Variants in DTNB observed in about 807,000 individuals in gnomAD.
DTNB encodes the protein DTN-B.
DTNB carries 63 observed loss-of-function variants against 90.7 expected under a neutral mutation model. The observed-to-expected ratio is 0.69, with a 90% CI of 0.57 to 0.86. The LOEUF (loss-of-function observed/expected upper bound fraction) is 0.86, where lower values mean the gene tolerates loss of function less well. DTNB is among the 40% of genes least tolerant of loss of function. The pLI, the probability that DTNB is intolerant of heterozygous loss-of-function variation, is 0.00. For missense variants in DTNB, 744 were observed against 807.1 expected, an observed-to-expected ratio of 0.92 and a Z score of 0.95; for synonymous variants, 277 against 286.7, an observed-to-expected ratio of 0.97 and a Z score of 0.34.
At chr2:25,501,327 G>C (rs1192426851) in intron 9 of DTNB, among the ~76,000 whole-genome samples, 1 of 151,948 alleles carries the variant, frequency 6.6e-6, no homozygotes, top group East Asian at 1.9e-4. Flanking sequence ...GGATCCTCCT[G>C]CCTCTCAGCT....
At chr2:25,550,378 G>A (rs572119618) in intron 8 of DTNB, among the ~76,000 whole-genome samples, 186 of 152,078 alleles carry the variant, frequency 1.2e-3, no homozygotes, top group South Asian at 2.1e-3. Flanking sequence ...GTGAAAGAGC[G>A]AGACTCTGTC....
chr2:25,526,060 GC>G (rs1330144055), intron 9 of DTNB, among the ~76,000 whole-genome samples: 1 of 152,084 alleles, frequency 6.6e-6, no homozygotes, highest in Non-Finnish European at 1.5e-5. Flanking sequence ...GAGCTCAGGA[GC>G]CCCAGGTGGA....
chr2:25,594,995 A>C (rs1286471617), intron 6 of DTNB: 1 of 152,194 alleles, frequency 6.6e-6, no homozygotes, highest in Non-Finnish European at 1.5e-5. Flanking sequence ...ATGTCTCTTT[A>C]AACTCTTTTA....
intron 9 of DTNB, among the ~76,000 whole-genome samples, chr2:25,490,107 C>T (rs977235294): frequency 1.1e-4 from 17 of 152,186 alleles, no homozygotes; most frequent in Admixed American, 1.0e-3. Context: ...AAGACCCCAT[C>T]TCTACAAAAA....
intron 13 of DTNB, 70 bp downstream of exon 13, chr2:25,433,840 G>A: frequency 6.4e-7 from 1 of 1,570,356 alleles, no homozygotes; most frequent in Non-Finnish European, 8.7e-7. Context: ...AGTATCCAAG[G>A]AAAATGAGAA....
At chr2:25,566,150 C>T (rs1434299183) in intron 8 of DTNB, among the ~76,000 whole-genome samples, 3 of 152,152 alleles carry the variant, frequency 2.0e-5, no homozygotes, top group Non-Finnish European at 4.4e-5. Flanking sequence ...TCTAGCTGGC[C>T]GAGAAGAAAG....
At chr2:25,423,209 A>C (rs12470745) in intron 15 of DTNB, among the ~76,000 whole-genome samples, 1 of 96,316 alleles carries the variant, frequency 1.0e-5, no homozygotes, top group African/African-American at 3.1e-5. Context: ...ACAAAAAAAC[A>C]AAAAAACAAA....
chr2:25,463,597 G>A (rs1273948325), intron 10 of DTNB, among the ~76,000 whole-genome samples: 1 of 152,236 alleles, frequency 6.6e-6, no homozygotes, highest in Non-Finnish European at 1.5e-5. Context: ...GAATTGTACA[G>A]TGTGTGAGTT....
chr2:25,462,192 G>T (rs2061059079), intron 10 of DTNB, among the ~76,000 whole-genome samples: 1 of 152,212 alleles, frequency 6.6e-6, no homozygotes, highest in African/African-American at 2.4e-5. Flanking sequence ...TGTGAGAACT[G>T]CTCTCTAAGA....
At chr2:25,557,604 G>A (rs754551708) in intron 8 of DTNB, among the ~76,000 whole-genome samples, 7 of 152,176 alleles carry the variant, frequency 4.6e-5, no homozygotes, top group Non-Finnish European at 8.8e-5. Flanking sequence ...ATAAAACAAA[G>A]CAGATTCCTC....
chr2:25,590,657 T>C (rs1016118186), intron 6 of DTNB, among the ~76,000 whole-genome samples: 16 of 152,168 alleles, frequency 1.1e-4, no homozygotes, highest in African/African-American at 3.9e-4. Context: ...CAGCTGGTAA[T>C]CATTTGTTCG....
At chr2:25,427,834 G>A (rs2052377852) in intron 14 of DTNB, 2 of 437,672 alleles carry the variant, frequency 4.6e-6, no homozygotes, top group South Asian at 8.1e-5. Flanking sequence ...AGGTAAAAGT[G>A]CTTTGGAAAG....
At position 25,433,966 on chromosome 2, in the gene DTNB, G is replaced by A. The variant is rs201598651; in HGVS notation, c.1287C>T (p.Asn429=). 2,655 of 1,613,456 alleles carry A rather than the reference G, an allele frequency of 1.6e-3. 9 individuals carry two copies. The highest frequency in any genetic ancestry group is 7.9e-3 in the South Asian group (723 of 91,064). Residue 429 remains asparagine, a synonymous_variant, in exon 13 of 21, where the codon AAC becomes AAT. Coordinates refer to ENST00000406818, the MANE Select transcript of DTNB (RefSeq NM_021907.5). ...GTCTTTGTTGTTTGTTGGCATCAAA[G>A]TTAAAGCTCAAGTCAGTGGGAGGAC... ...VTRPPTDLSF[N]FDANKQQRQL...
intron 2 of DTNB, among the ~76,000 whole-genome samples, chr2:25,640,965 T>A (rs1033654407): frequency 6.6e-6 from 1 of 152,044 alleles, no homozygotes; most frequent in Non-Finnish European, 1.5e-5. Flanking sequence ...AAGATTTGGG[T>A]ACCACAAAAG....
intron 1 of DTNB, among the ~76,000 whole-genome samples, chr2:25,658,483 T>C (rs938240541): frequency 6.6e-6 from 1 of 152,212 alleles, no homozygotes; most frequent in Non-Finnish European, 1.5e-5. Context: ...TGTTTACAGC[T>C]TTATTCTTGA....
At chr2:25,521,565 G>C (rs1326030032) in intron 9 of DTNB, among the ~76,000 whole-genome samples, 2 of 151,542 alleles carry the variant, frequency 1.3e-5, no homozygotes, top group Non-Finnish European at 2.9e-5. Context: ...TATTTTTTTA[G>C]GAGAGACGGG....
chr2:25,659,247 C>T (rs1280252877), intron 1 of DTNB, among the ~76,000 whole-genome samples: 3 of 152,150 alleles, frequency 2.0e-5, no homozygotes, highest in Non-Finnish European at 4.4e-5. Context: ...CCAACCAGAG[C>T]TAATTGACAT....
chr2:25,472,223 G>A (rs545821138), intron 10 of DTNB, among the ~76,000 whole-genome samples: 140 of 152,254 alleles, frequency 9.2e-4, no homozygotes, highest in Admixed American at 2.4e-3. Flanking sequence ...CAGACGCTGC[G>A]GCTCACAGAA....
Position 25,387,229 on chromosome 2 carries a change from G to C in DTNB, c.1825+60C>G. ...GTTCTGCCGGTGCTGGCAAGGAAGT[G>C]AGAAGGGCGCGGGCAAGGCAGGGGA... On this transcript the variant is annotated intron_variant, in intron 18 of 20. Transcript: ENST00000406818. The surrounding 1 kb of genome is among the most constrained non-coding windows in gnomAD (Gnocchi z 4.5). The C allele has an allele frequency of 6.5e-7, 1 of 1,544,070 alleles. No individual in the cohort carries two copies. Among genetic ancestry groups the C allele is most frequent in the Non-Finnish European group, 8.9e-7 (1 of 1,127,496 alleles).
Sources: allele counts gnomAD v4.1 joint callset (sites outside exome capture counted in the v4.1 genomes callset), GRCh38; gene constraint gnomAD v4.1.1; non-coding constraint Gnocchi (gnomAD v3.1); transcripts MANE v1.5; gene names NCBI Gene and HGNC (gene_info 2026-07-23, HGNC 2026-07-21).